ABCA13: variants seen among roughly 807,000 people sequenced by gnomAD.
The protein encoded by ABCA13 is ATP binding cassette subfamily A member 13, also known as ATP-binding cassette sub-family A member 13.
Under a neutral mutation model 478.7 loss-of-function variants are expected in ABCA13, and 476 were observed. That is an observed-to-expected ratio of 0.99 (90% confidence interval 0.92 to 1.07). The LOEUF is 1.07. ABCA13 is among the 50% of genes least tolerant of loss of function. ABCA13 has a pLI of 0.00. For synonymous variants in ABCA13, 2,252 were observed against 2,158.9 expected (o/e 1.04, Z -1.20); for missense variants, 6,060 against 5,910.6 (o/e 1.03, Z -0.83).
At chr7:48,630,514 A>G (rs1186519098) in intron 59 of ABCA13, among the ~76,000 whole-genome samples, 2 of 152,186 alleles carry the variant, frequency 1.3e-5, no homozygotes, top group East Asian at 3.8e-4. Flanking sequence ...ACGACTGCAC[A>G]GTATTCCATG....
chr7:48,484,774 A>T (rs1257365367), intron 47 of ABCA13, among the ~76,000 whole-genome samples: 1 of 152,104 alleles, frequency 6.6e-6, no homozygotes, highest in Non-Finnish European at 1.5e-5. Flanking sequence ...ATTATACTTG[A>T]CCCTTTGGGG....
chr7:48,278,981 A>C lies in ABCA13; in HGVS notation c.7787A>C (p.Asp2596Ala). Residue 2596 changes from aspartate (D) to alanine (A), a missense_variant, in exon 18 of 62, where the codon GAC (aspartate) becomes GCC (alanine). Coordinates refer to ENST00000435803, the MANE Select transcript of ABCA13 (RefSeq NM_152701.5). ...KINDLLVPFL[D>A]LAFEMIGVEP... Reference sequence around the variant, plus strand: ...AATGATTTGTTGGTGCCATTTCTTGACTTGGCCTTTGAAATGATTGGGGTA... The same window carrying C: ...AATGATTTGTTGGTGCCATTTCTTGCCTTGGCCTTTGAAATGATTGGGGTA... The C allele has an allele frequency of 6.2e-7, 1 of 1,613,386 alleles. No homozygotes were observed. Among genetic ancestry groups the C allele is most frequent in the Non-Finnish European group, 8.5e-7 (1 of 1,179,808 alleles).
intron 39 of ABCA13, 151 bp downstream of exon 39, chr7:48,404,030 T>C: frequency 1.1e-6 from 1 of 907,696 alleles, no homozygotes; most frequent in Non-Finnish European, 1.7e-6. Context: ...CTTATAGGGA[T>C]ATATTCGTTA....
intron 46 of ABCA13, among the ~76,000 whole-genome samples, chr7:48,482,637 A>C (rs1453827008): frequency 4.6e-5 from 7 of 151,992 alleles, no homozygotes; most frequent in Non-Finnish European, 8.8e-5. Flanking sequence ...CAGGTGGTCC[A>C]TCTGCCTCGG....
At chr7:48,418,688 T>C (rs1292189856) in intron 41 of ABCA13, among the ~76,000 whole-genome samples, 10 of 152,218 alleles carry the variant, frequency 6.6e-5, no homozygotes, top group African/African-American at 2.2e-4. Context: ...TATTGCTGGA[T>C]TGTGGCATAA....
rs1431161451 is a variant in ABCA13 at position 48,310,006 on chromosome 7, T to A, written c.9381T>A (p.His3127Gln). 1.9e-6 allele frequency: 3 copies of A among 1,613,834 alleles called. No individual in the cohort carries two copies. ...GAAAGTGTGATCAGGAAATCCTTCA[T>A]CTCCTGCTGACATTTCCCAAAGGGG... ...LSGKCDQEIL[H>Q]LLLTFPKGEK... Residue 3127 changes from histidine (H) to glutamine (Q), a missense_variant, in exon 24 of 62, where the codon CAT (histidine) becomes CAA (glutamine). By Grantham distance (24) the His-to-Gln change is conservative. Coordinates refer to ENST00000435803, the MANE Select transcript of ABCA13 (RefSeq NM_152701.5).
At chr7:48,641,463 A>G (rs893370535) in intron 59 of ABCA13, among the ~76,000 whole-genome samples, 2 of 152,230 alleles carry the variant, frequency 1.3e-5, no homozygotes, top group Non-Finnish European at 2.9e-5. Flanking sequence ...GTAATTTGCA[A>G]GGATTAATTC....
In ABCA13 at chr7:48,278,806, A is replaced by T. The variant is rs1469819467; in HGVS notation, c.7612A>T (p.Thr2538Ser). 4 of 1,613,906 alleles carry T rather than the reference A, an allele frequency of 2.5e-6. No homozygotes were observed. The South Asian group carries it at 4.4e-5, about 18-fold the overall frequency. Residue 2538 changes from threonine to serine, a missense_variant, in exon 18 of 62, where the codon ACA becomes TCA. Around this residue, in one of 3 missense-constraint regions of ABCA13, gnomAD observed 4,423 missense variants for 4,309.1 expected, o/e 1.03. Coordinates refer to ENST00000435803, the MANE Select transcript of ABCA13 (RefSeq NM_152701.5). ...LVKKVSGKMS[T>S]VFKTHFISNT... is the part of the protein sequence containing the mutation. ...CAAGAAAGTTTCGGGGAAGATGTCCACAGTTTTTAAAACTCATTTTATCTC... is the reference window on the plus strand; with the variant it reads ...CAAGAAAGTTTCGGGGAAGATGTCCTCAGTTTTTAAAACTCATTTTATCTC...
chr7:48,498,563 G>A (rs1023241012), intron 48 of ABCA13, among the ~76,000 whole-genome samples: 1 of 152,072 alleles, frequency 6.6e-6, no homozygotes, highest in Non-Finnish European at 1.5e-5. Flanking sequence ...GCTCCATCTA[G>A]GAGGACTATC....
intron 41 of ABCA13, among the ~76,000 whole-genome samples, chr7:48,414,329 A>G (rs1004322432): frequency 2.0e-5 from 3 of 151,942 alleles, no homozygotes; most frequent in African/African-American, 4.8e-5. Flanking sequence ...CTTGTTATGC[A>G]TGCTTCTCTG....
rs749832964 is a variant in ABCA13 at position 48,313,158 on chromosome 7, T to A, written c.9608T>A (p.Val3203Asp). Residue 3203 changes from valine (V) to aspartate (D), a missense_variant, in exon 25 of 62, where the codon GTC becomes GAC. Physicochemically the swap from Val to Asp is radical, Grantham distance 152. This residue lies in a region of ABCA13 where 4,423 missense variants were observed against 4,309.1 expected (regional missense o/e 1.03). Transcript: ENST00000435803. ...LSALLAKAQH[V>D]FEYLPEFLHT... ...GCCTTGCTTGCCAAAGCCCAGCACG[T>A]CTTTGAGTATCTTCCTGAGTTTCTT... 6.2e-7 allele frequency: 1 copy of A among 1,613,140 alleles called. No homozygotes were observed. Among genetic ancestry groups the A allele is most frequent in the Non-Finnish European group, 8.5e-7 (1 of 1,179,478 alleles).
At chr7:48,492,382 T>G (rs1462933746) in intron 48 of ABCA13, among the ~76,000 whole-genome samples, 1 of 152,226 alleles carries the variant, frequency 6.6e-6, no homozygotes, top group African/African-American at 2.4e-5. Flanking sequence ...CCCTGCAGGA[T>G]GAGTTAGTGG....
intron 38 of ABCA13, among the ~76,000 whole-genome samples, chr7:48,402,724 A>G (rs1817773267): frequency 6.6e-6 from 1 of 152,198 alleles, no homozygotes; most frequent in Non-Finnish European, 1.5e-5. Context: ...CCAGGCCCCA[A>G]CTATTCTTGA....
chr7:48,207,986 G>T (rs1335410295), intron 3 of ABCA13, among the ~76,000 whole-genome samples: 1 of 151,992 alleles, frequency 6.6e-6, no homozygotes, highest in East Asian at 1.9e-4. Context: ...AATATGGCAA[G>T]AGATAGGGGT....
intron 1 of ABCA13, among the ~76,000 whole-genome samples, chr7:48,180,767 T>C (rs1795584139): frequency 1.3e-5 from 2 of 152,066 alleles, no homozygotes; most frequent in Admixed American, 1.3e-4. Flanking sequence ...CCAGGTGTGG[T>C]GGCACATGCT....
chr7:48,611,424 A>G (rs1253452951), intron 58 of ABCA13, among the ~76,000 whole-genome samples: 1 of 152,126 alleles, frequency 6.6e-6, no homozygotes, highest in East Asian at 1.9e-4. Context: ...TGTCTGTACC[A>G]ATTTTCTGTA....
intron 45 of ABCA13, among the ~76,000 whole-genome samples, chr7:48,474,812 G>A (rs1420037121): frequency 2.6e-5 from 4 of 152,128 alleles, no homozygotes; most frequent in East Asian, 1.9e-4. Context: ...TATTATAGTA[G>A]TGGCTTTTAG....
intron 20 of ABCA13, among the ~76,000 whole-genome samples, chr7:48,291,237 G>A (rs1258871251): frequency 6.6e-6 from 1 of 152,140 alleles, no homozygotes; most frequent in Non-Finnish European, 1.5e-5. Flanking sequence ...AGCAGTCAGC[G>A]GAAACCTAAG....
chr7:48,237,763 T>G (rs1354082727), intron 8 of ABCA13, among the ~76,000 whole-genome samples: 3 of 152,184 alleles, frequency 2.0e-5, no homozygotes, highest in Non-Finnish European at 4.4e-5. Flanking sequence ...TCACATCCTC[T>G]GTGGATCTCC....
Sources: allele counts gnomAD v4.1 joint callset (sites outside exome capture counted in the v4.1 genomes callset), GRCh38; gene constraint gnomAD v4.1.1; regional missense constraint gnomAD v4.1.1; transcripts MANE v1.5; gene names NCBI Gene and HGNC (gene_info 2026-07-23, HGNC 2026-07-21).